WWTR1: variants seen among roughly 807,000 people sequenced by gnomAD.
WWTR1 encodes the protein WW domain-containing transcription regulator protein 1.
WWTR1 carries 13 observed loss-of-function variants against 40.1 expected under a neutral mutation model. The observed-to-expected ratio is 0.32, with a 90% CI of 0.21 to 0.52. The LOEUF (loss-of-function observed/expected upper bound fraction) is 0.52, where lower values mean the gene tolerates loss of function less well. Ranked by LOEUF, WWTR1 falls within the 20% of genes least tolerant of loss-of-function variation. The pLI is 0.97. For missense variants in WWTR1, 436 were observed against 523.1 expected, an observed-to-expected ratio of 0.83 and a Z score of 1.63; for synonymous variants, 230 against 210.1, an observed-to-expected ratio of 1.09 and a Z score of -0.82.
intron 2 of WWTR1, among the ~76,000 whole-genome samples, chr3:149,663,126 G>A (rs780938175): frequency 6.6e-6 from 1 of 151,954 alleles, no homozygotes; most frequent in African/African-American, 2.4e-5. Context: ...TCCGCCTCCC[G>A]GGTTCAAGCG....
intron 6 of WWTR1, among the ~76,000 whole-genome samples, chr3:149,525,461 C>A (rs991085459): frequency 7.3e-5 from 11 of 150,660 alleles, no homozygotes; most frequent in Non-Finnish European, 8.9e-5. Context: ...AAAAAAAAAA[C>A]AACAGAATTT....
chr3:149,636,881 T>C (rs553161579), intron 2 of WWTR1, among the ~76,000 whole-genome samples: 1 of 148,414 alleles, frequency 6.7e-6, no homozygotes, highest in South Asian at 2.1e-4. Context: ...GCAGAATCAC[T>C]TGAACCCAGG....
chr3:149,619,919 T>C (rs917210556), intron 2 of WWTR1, among the ~76,000 whole-genome samples: 3 of 152,144 alleles, frequency 2.0e-5, no homozygotes, highest in Non-Finnish European at 2.9e-5. Flanking sequence ...TTTCTAAATT[T>C]TGTTTTCCAA....
chr3:149,575,934 G>A (rs893038928), intron 2 of WWTR1: 8 of 456,154 alleles, frequency 1.8e-5, no homozygotes, highest in Non-Finnish European at 3.5e-5. Context: ...CTGCAGTGCA[G>A]TGGGAGCCTC....
intron 1 of WWTR1, among the ~76,000 whole-genome samples, chr3:149,693,357 C>T (rs1171666772): frequency 1.3e-5 from 2 of 151,984 alleles, no homozygotes; most frequent in African/African-American, 2.4e-5. Flanking sequence ...AAATATATTC[C>T]ATGTTCATGG....
chr3:149,562,335 G>C (rs1033971010), intron 3 of WWTR1, among the ~76,000 whole-genome samples: 6 of 151,712 alleles, frequency 4.0e-5, no homozygotes, highest in Non-Finnish European at 8.8e-5. Flanking sequence ...GATGCTCATG[G>C]TATATTAAAA....
At chr3:149,643,523 C>A (rs958707614) in intron 2 of WWTR1, among the ~76,000 whole-genome samples, 1 of 152,114 alleles carries the variant, frequency 6.6e-6, no homozygotes, top group African/African-American at 2.4e-5. Context: ...TGATTTCGGA[C>A]CCCATTTTAA....
chr3:149,642,978 A>T (rs1316065667), intron 2 of WWTR1, among the ~76,000 whole-genome samples: 1 of 152,178 alleles, frequency 6.6e-6, no homozygotes, highest in Non-Finnish European at 1.5e-5. Flanking sequence ...CTAAATTCAC[A>T]TGTCTTTACA....
intron 1 of WWTR1, among the ~76,000 whole-genome samples, chr3:149,688,669 T>C (rs1258570490): frequency 3.3e-5 from 5 of 152,160 alleles, no homozygotes; most frequent in Non-Finnish European, 5.9e-5. Flanking sequence ...TCTCGAGAAA[T>C]GTGAGTGCAA....
At chr3:149,585,914 G>A (rs1738398459) in intron 2 of WWTR1, among the ~76,000 whole-genome samples, 1 of 152,136 alleles carries the variant, frequency 6.6e-6, no homozygotes, top group Non-Finnish European at 1.5e-5. Flanking sequence ...AAGCCTTGAA[G>A]GTTCTATGAC....
chr3:149,557,626 G>A (rs1736888901), intron 3 of WWTR1, among the ~76,000 whole-genome samples: 3 of 152,066 alleles, frequency 2.0e-5, no homozygotes, highest in Admixed American at 2.0e-4. Context: ...AGGCCCCATG[G>A]TATGCATTTT....
At chr3:149,575,346 T>C (rs757789968) in intron 2 of WWTR1, among the ~76,000 whole-genome samples, 10 of 152,300 alleles carry the variant, frequency 6.6e-5, no homozygotes, top group Middle Eastern at 3.4e-3. Flanking sequence ...TAACTCCCTT[T>C]AGCAAAATAA....
intron 2 of WWTR1, among the ~76,000 whole-genome samples, chr3:149,664,885 G>T (rs143155376): frequency 9.0e-4 from 137 of 151,918 alleles, no homozygotes; most frequent in Non-Finnish European, 1.6e-4. Context: ...CACCGCGCCC[G>T]GCCAGAAGGC....
intron 1 of WWTR1, among the ~76,000 whole-genome samples, chr3:149,691,484 C>A (rs2108213561): frequency 6.6e-6 from 1 of 151,702 alleles, no homozygotes; most frequent in East Asian, 1.9e-4. Flanking sequence ...GACATTATAA[C>A]TGATACCACA....
chr3:149,625,097 AC>A (rs1412812933), intron 2 of WWTR1, among the ~76,000 whole-genome samples: 6 of 109,280 alleles, frequency 5.5e-5, no homozygotes, highest in Admixed American at 1.9e-4. Context: ...AGACAACTCT[AC>A]CCTTTTTTTT....
At position 149,603,330 on chromosome 3, in the gene WWTR1, G is replaced by A. The variant is rs566562939; in HGVS notation, c.432-30330C>T. 3.9e-5 allele frequency among the ~76,000 whole-genome samples: 6 copies of A among 152,244 alleles called. No homozygotes were observed. The South Asian group carries it at 6.2e-4, about 16-fold the overall frequency. Reference sequence around the variant, plus strand: ...CTGGGCAGAGACATAAAGGGTCTTTGTTAATAACTGTACAAGGGAATGCAA... The same window carrying A: ...CTGGGCAGAGACATAAAGGGTCTTTATTAATAACTGTACAAGGGAATGCAA... On this transcript the variant is annotated intron_variant, in intron 2 of 6. Coordinates refer to ENST00000360632, the MANE Select transcript of WWTR1 (RefSeq NM_015472.6).
chr3:149,656,822 C>T, intron 2 of WWTR1, 54 bp downstream of exon 2: 4 of 1,470,794 alleles, frequency 2.7e-6, no homozygotes, highest in Non-Finnish European at 2.7e-6. Context: ...CACGAACACA[C>T]GCGCGCGTTG....
chr3:149,656,015 C>G (rs1713186054), intron 2 of WWTR1, among the ~76,000 whole-genome samples: 1 of 152,154 alleles, frequency 6.6e-6, no homozygotes, highest in Non-Finnish European at 1.5e-5. Context: ...ACCCTATGAC[C>G]TCAATGGAAC....
intron 2 of WWTR1, among the ~76,000 whole-genome samples, chr3:149,637,254 C>G (rs1349645572): frequency 1.3e-5 from 2 of 149,780 alleles, no homozygotes; most frequent in Non-Finnish European, 3.0e-5. Context: ...GAGACAGAGT[C>G]TCGCTCTGTT....
Sources: allele counts gnomAD v4.1 joint callset (sites outside exome capture counted in the v4.1 genomes callset), GRCh38; gene constraint gnomAD v4.1.1; transcripts MANE v1.5; gene names NCBI Gene and HGNC (gene_info 2026-07-23, HGNC 2026-07-21).